COL9A1: variants seen among roughly 807,000 people sequenced by gnomAD.
The protein encoded by COL9A1 is collagen type IX alpha 1 chain.
Under a neutral mutation model 142.6 loss-of-function variants are expected in COL9A1, and 104 were observed. That is an observed-to-expected ratio of 0.73 (90% CI 0.62 to 0.86). COL9A1 has a LOEUF of 0.86. COL9A1 is among the 40% of genes least tolerant of loss of function. The pLI is 0.00. For missense variants in COL9A1, 1,210 were observed against 1,176.6 expected, an observed-to-expected ratio of 1.03 and a Z score of -0.42; for synonymous variants, 466 against 396.0, an observed-to-expected ratio of 1.18 and a Z score of -2.10.
intron 4 of COL9A1, among the ~76,000 whole-genome samples, chr6:70,298,237 T>G (rs1773919416): frequency 6.6e-6 from 1 of 152,206 alleles, no homozygotes; most frequent in Non-Finnish European, 1.5e-5. Flanking sequence ...CCAATACCAG[T>G]GTGGACTGGG....
intron 18 of COL9A1, among the ~76,000 whole-genome samples, chr6:70,265,531 C>T (rs1009286453): frequency 7.3e-5 from 11 of 150,786 alleles, no homozygotes; most frequent in African/African-American, 2.2e-4. Context: ...TCTGTGCCCC[C>T]AGTGCTCAGA....
intron 18 of COL9A1, among the ~76,000 whole-genome samples, chr6:70,265,500 CT>C (rs57504613): frequency 0.028 from 3,888 of 136,480 alleles, 117 homozygotes; most frequent in African/African-American, 0.085. Context: ...TGTGCTTGTA[CT>C]TTTTTTTTTT....
intron 28 of COL9A1, among the ~76,000 whole-genome samples, chr6:70,247,463 A>C (rs1205489909): frequency 6.6e-6 from 1 of 152,218 alleles, no homozygotes; most frequent in Non-Finnish European, 1.5e-5. Flanking sequence ...CCAACTACCC[A>C]AAATGCTAAC....
intron 19 of COL9A1, 131 bp downstream of exon 19, chr6:70,263,113 G>A (rs1771797545): frequency 1.5e-6 from 1 of 659,170 alleles, no homozygotes; most frequent in Non-Finnish European, 2.6e-6. Context: ...GTGCTGGCGT[G>A]GTGGAAAATA....
chr6:70,252,030 G>C, intron 28 of COL9A1, 90 bp downstream of exon 28: 1 of 1,299,590 alleles, frequency 7.7e-7, no homozygotes, highest in Non-Finnish European at 1.1e-6. Context: ...ACATCAGACA[G>C]CATTCATGGA....
chr6:70,245,517 T>C (rs1344290049), intron 28 of COL9A1: 1 of 147,460 alleles, frequency 6.8e-6, no homozygotes, highest in African/African-American at 2.4e-5. Context: ...ATAACCATAT[T>C]CTCAGATATG....
chr6:70,294,668 A>G (rs1773787872), intron 4 of COL9A1, 105 bp from the exon 5 acceptor site: 1 of 1,091,152 alleles, frequency 9.2e-7, no homozygotes, highest in Admixed American at 1.8e-5. Flanking sequence ...CCTATAGAAA[A>G]GCTACAGTGT....
chr6:70,243,410 T>C (rs531660229), intron 28 of COL9A1, among the ~76,000 whole-genome samples: 10 of 152,372 alleles, frequency 6.6e-5, no homozygotes, highest in African/African-American at 2.4e-4. Context: ...CTTTCAAATT[T>C]TTATTTGAAA....
chr6:70,295,600 A>G (rs1385267618), intron 4 of COL9A1, among the ~76,000 whole-genome samples: 1 of 151,888 alleles, frequency 6.6e-6, no homozygotes, highest in African/African-American at 2.4e-5. Context: ...GTTGTTCCTT[A>G]ATCTGCCAAC....
At chr6:70,239,362 A>T in intron 32 of COL9A1, 76 bp from the exon 33 acceptor site, 1 of 1,014,682 alleles carries the variant, frequency 9.9e-7, no homozygotes. Flanking sequence ...TTTAAAAGTT[A>T]TTGTGCTACT....
intron 21 of COL9A1, 114 bp from the exon 22 acceptor site, chr6:70,255,504 T>A: frequency 1.1e-6 from 1 of 921,232 alleles, no homozygotes; most frequent in Admixed American, 1.8e-5. Context: ...CCACAATGGC[T>A]TTGCTCTATC....
At chr6:70,259,587 C>A (rs1771541464) in intron 20 of COL9A1, among the ~76,000 whole-genome samples, 1 of 152,144 alleles carries the variant, frequency 6.6e-6, no homozygotes, top group South Asian at 2.1e-4. Context: ...AACGGCAACA[C>A]CTCATCCTTC....
In COL9A1 at chr6:70,263,226, T is replaced by C; in HGVS notation, c.1395+18A>G. 1.9e-6 allele frequency: 3 copies of C among 1,573,058 alleles called. No individual in the cohort carries two copies. The highest frequency in any genetic ancestry group is 2.6e-6 in the Non-Finnish European group (3 of 1,153,438). ...TATTTACATATCCTAGTTAAATATTTTTTAAAAAATACTTTACTGGAGGTC... is the reference window on the plus strand; with the variant it reads ...TATTTACATATCCTAGTTAAATATTCTTTAAAAAATACTTTACTGGAGGTC... On this transcript the variant is annotated intron_variant, in intron 19 of 37. Coordinates refer to ENST00000357250, the MANE Select transcript of COL9A1 (RefSeq NM_001851.6).
Position 70,294,425 on chromosome 6 carries a change from A to C in COL9A1, c.438T>G (p.Ile146Met). ...ATACAACAGATTGTGTTTGGCCATT[A>C]ATCTTTATGCCAACTTGCTCCTTCC... ...SSGKEQVGIK[I>M]NGQTQSVVFS... The change falls in exon 5 of 38, where the codon ATT becomes ATG. Residue 146 changes from isoleucine (I) to methionine (M), a missense_variant. Physicochemically the swap from Ile to Met is conservative, Grantham distance 10. Coordinates refer to ENST00000357250, the MANE Select transcript of COL9A1 (RefSeq NM_001851.6). 2 of 1,614,124 alleles carry C rather than the reference A, an allele frequency of 1.2e-6. No individual in the cohort carries two copies. The highest frequency in any genetic ancestry group is 1.7e-6 in the Non-Finnish European group (2 of 1,179,984).
At chr6:70,299,933 A>T in intron 4 of COL9A1, 110 bp downstream of exon 4, 1 of 1,063,892 alleles carries the variant, frequency 9.4e-7, no homozygotes, top group Non-Finnish European at 1.4e-6. Flanking sequence ...CTTTAAATAC[A>T]ATTATAATCC....
chr6:70,219,882 T>C (rs1366912279), intron 37 of COL9A1, among the ~76,000 whole-genome samples: 1 of 152,272 alleles, frequency 6.6e-6, no homozygotes, highest in Admixed American at 6.5e-5. Context: ...ATTTATTCTC[T>C]AATACACTAA....
intron 10 of COL9A1, chr6:70,275,071 T>C: frequency 2.4e-6 from 1 of 409,966 alleles, no homozygotes; most frequent in Non-Finnish European, 4.5e-6. Flanking sequence ...TGGAAAAAAA[T>C]GCAACATAGC....
At position 70,269,643 on chromosome 6, in the gene COL9A1, CCAT is replaced by C; in HGVS notation, c.1217_1219del (p.Asp406del). ...AGGAAAGCATCTTACCAATGGATCT[CCAT>C]CATGAAAGCCAATTGTTCCCTAAAG... On this transcript the variant is annotated inframe_deletion, in exon 16 of 38. Transcript: ENST00000357250. 1 of 1,592,614 alleles carries C rather than the reference CCAT, an allele frequency of 6.3e-7. No homozygotes were observed. Among genetic ancestry groups the C allele is most frequent in the East Asian group, 2.2e-5 (1 of 44,730 alleles).
At chr6:70,237,065 T>C (rs12153933) in intron 33 of COL9A1, among the ~76,000 whole-genome samples, 24,018 of 152,238 alleles carry the variant, frequency 0.16, 2,142 homozygotes, top group Non-Finnish European at 0.21. Flanking sequence ...TTGGATGATC[T>C]GCCCACCTCG....
Sources: gnomAD v4.1 joint callset for allele counts (sites outside exome capture counted in the v4.1 genomes callset) on GRCh38, gnomAD v4.1.1 for gene constraint, MANE v1.5 for transcripts, NCBI Gene and HGNC (gene_info 2026-07-23, HGNC 2026-07-21) for gene names.